Variants in EYS observed in about 807,000 individuals in gnomAD.
The protein encoded by EYS is protein eyes shut homolog.
A neutral mutation model predicts 282.1 loss-of-function variants in EYS; 250 were observed. The observed-to-expected ratio is 0.89, with a 90% CI of 0.80 to 0.98. EYS has a LOEUF of 0.98. EYS is among the 50% of genes least tolerant of loss of function. The pLI, the probability that EYS is intolerant of heterozygous loss-of-function variation, is 0.00. For synonymous variants in EYS, 1,355 were observed against 1,282.9 expected, an observed-to-expected ratio of 1.06 and a Z score of -1.20; for missense variants, 4,016 against 3,709.0, an observed-to-expected ratio of 1.08 and a Z score of -2.15.
chr6:64,802,406 C>T (rs1019943879), intron 22 of EYS, among the ~76,000 whole-genome samples: 1 of 151,954 alleles, frequency 6.6e-6, no homozygotes, highest in African/African-American at 2.4e-5. Context: ...GGTTTTTGAG[C>T]GTGTAATTCT....
intron 26 of EYS, among the ~76,000 whole-genome samples, chr6:64,568,516 G>C (rs1765626728): frequency 6.6e-6 from 1 of 152,182 alleles, no homozygotes; most frequent in African/African-American, 2.4e-5. Flanking sequence ...CATCTCCCTG[G>C]GACAGAGCAC....
chr6:63,840,007 T>C (rs1466136491), intron 36 of EYS, among the ~76,000 whole-genome samples: 1 of 151,704 alleles, frequency 6.6e-6, no homozygotes, highest in Admixed American at 6.6e-5. Context: ...CATTTGTATA[T>C]CTTCTTTTGA....
intron 12 of EYS, among the ~76,000 whole-genome samples, chr6:65,165,947 T>C (rs1276426000): frequency 1.3e-5 from 2 of 150,980 alleles, no homozygotes; most frequent in South Asian, 2.1e-4. Context: ...CAATAAACAA[T>C]CCCTAAATGA....
intron 28 of EYS, among the ~76,000 whole-genome samples, chr6:64,415,077 T>C (rs565566989): frequency 6.6e-6 from 1 of 152,270 alleles, no homozygotes; most frequent in South Asian, 2.1e-4. Context: ...AATAGTTGTA[T>C]GAACACAAAC....
chr6:65,495,021 TA>T lies in EYS; in HGVS notation c.389del (p.Leu130GlnfsTer12). 1 of 1,614,214 alleles carries T rather than the reference TA, an allele frequency of 6.2e-7. No homozygotes were observed. The highest frequency in any genetic ancestry group is 1.1e-5 in the South Asian group (1 of 91,084). On this transcript the variant is annotated frameshift_variant, in exon 4 of 43. Transcript: ENST00000503581. LOFTEE classifies it high-confidence loss of function. Reference protein sequence around the residue: ...TEDQLLFGCRLKGMHTVNSKW... With the variant: ...TEDQLLFGCRXKGMHTVNSKW... ...TAGAATTAACAGTGTGCATTCCTTT[TA>T]GTCTGCAGCCAAAAAGTAACTGATC...
chr6:63,921,305 T>C lies in EYS; in HGVS notation c.7056-56947A>G, dbSNP rs986538285. ...AAGCACTTCGAAAAATATGAAGAGTTAAGCCATGAAACCCTGTGTGGTGTT... is the reference window on the plus strand; with the variant it reads ...AAGCACTTCGAAAAATATGAAGAGTCAAGCCATGAAACCCTGTGTGGTGTT... On this transcript the variant is annotated intron_variant, in intron 35 of 42. Transcript: ENST00000503581. Among the ~76,000 whole-genome samples the C allele has an allele frequency of 2.1e-4, 32 of 152,220 alleles. 1 individual carries two copies. The highest frequency in any genetic ancestry group is 7.0e-4 in the African/African-American group (29 of 41,466).
intron 30 of EYS, among the ~76,000 whole-genome samples, chr6:64,283,952 G>T (rs1768401099): frequency 6.6e-6 from 1 of 152,068 alleles, no homozygotes; most frequent in African/African-American, 2.4e-5. Flanking sequence ...ACAATAGGTG[G>T]GAATGATGGG....
intron 22 of EYS, among the ~76,000 whole-genome samples, chr6:64,719,503 T>C (rs1478935210): frequency 6.6e-6 from 1 of 152,202 alleles, no homozygotes; most frequent in Admixed American, 6.5e-5. Context: ...AGTTACTACC[T>C]TAAGAGCAGC....
intron 1 of EYS, among the ~76,000 whole-genome samples, chr6:65,672,782 G>A (rs1211995013): frequency 1.3e-5 from 2 of 152,152 alleles, no homozygotes; most frequent in Non-Finnish European, 2.9e-5. Context: ...GCGAGTCCAT[G>A]TGAAGAGACC....
chr6:63,744,899 T>C (rs563127354), intron 41 of EYS: 1 of 315,226 alleles, frequency 3.2e-6, no homozygotes, highest in Admixed American at 5.1e-5. Flanking sequence ...AATCCAATAG[T>C]TGACTTTTGT....
At chr6:64,999,589 A>G (rs9360105) in intron 13 of EYS, among the ~76,000 whole-genome samples, 10,323 of 152,164 alleles carry the variant, frequency 0.068, 447 homozygotes, top group East Asian at 0.13. Context: ...ACCCTGTCCC[A>G]CCCTGCCCAC....
intron 1 of EYS, among the ~76,000 whole-genome samples, chr6:65,678,195 G>A (rs1392188530): frequency 6.6e-6 from 1 of 151,938 alleles, no homozygotes; most frequent in Non-Finnish European, 1.5e-5. Flanking sequence ...TGAACTCAGA[G>A]TGAGAACTCA....
intron 26 of EYS, among the ~76,000 whole-genome samples, chr6:64,552,298 T>C (rs534949185): frequency 1.3e-5 from 2 of 152,208 alleles, no homozygotes; most frequent in African/African-American, 4.8e-5. Flanking sequence ...ATTAATATTT[T>C]ACTCCCAAAC....
chr6:64,682,301 G>T (rs144215740), intron 22 of EYS, among the ~76,000 whole-genome samples: 5 of 152,216 alleles, frequency 3.3e-5, no homozygotes, highest in Non-Finnish European at 5.9e-5. Context: ...CTGGGAGGTG[G>T]AGTTTGCAGT....
chr6:65,405,177 T>A lies in EYS; in HGVS notation c.1053A>T (p.Ser351=). 1 of 1,610,026 alleles carries A rather than the reference T, an allele frequency of 6.2e-7. No homozygotes were observed. Among genetic ancestry groups the A allele is most frequent in the Non-Finnish European group, 8.5e-7 (1 of 1,176,728 alleles). ...TATATGTTAGATTGAGACTTACATTTGATATTTTGATGCAGTCAGTACCAT... is the reference window on the plus strand; with the variant it reads ...TATATGTTAGATTGAGACTTACATTAGATATTTTGATGCAGTCAGTACCAT... ...CQNGTDCIKI[S]NDVMCICSPI... The change falls in exon 6 of 43, where the codon TCA becomes TCT. Residue 351 remains serine (S), a synonymous_variant. Coordinates refer to ENST00000503581, the MANE Select transcript of EYS (RefSeq NM_001142800.2).
intron 16 of EYS, among the ~76,000 whole-genome samples, chr6:64,910,784 C>T (rs1767965728): frequency 6.6e-6 from 1 of 151,860 alleles, no homozygotes. Flanking sequence ...TCCCTAAACC[C>T]GTAGCAGGAA....
At chr6:64,582,302 C>T (rs1188297443) in intron 26 of EYS, among the ~76,000 whole-genome samples, 2 of 152,122 alleles carry the variant, frequency 1.3e-5, no homozygotes, top group Non-Finnish European at 2.9e-5. Context: ...AGGTGAACCC[C>T]GTTGTGAACT....
At chr6:65,394,168 T>C (rs1479026364) in intron 7 of EYS, among the ~76,000 whole-genome samples, 1 of 152,066 alleles carries the variant, frequency 6.6e-6, no homozygotes, top group Non-Finnish European at 1.5e-5. Flanking sequence ...TTGATCCTCC[T>C]GATATGTTGA....
At chr6:64,435,771 C>T (rs1774721034) in intron 28 of EYS, among the ~76,000 whole-genome samples, 1 of 151,562 alleles carries the variant, frequency 6.6e-6, no homozygotes. Flanking sequence ...AATAATATAC[C>T]TTAATTACTC....
Sources: gnomAD v4.1 joint callset for allele counts (sites outside exome capture counted in the v4.1 genomes callset) on GRCh38, gnomAD v4.1.1 for gene constraint, MANE v1.5 for transcripts, NCBI Gene and HGNC (gene_info 2026-07-23, HGNC 2026-07-21) for gene names.